VAC14: variants seen among roughly 807,000 people sequenced by gnomAD.
VAC14 encodes the protein VAC14 component of PIKFYVE complex, also known as protein VAC14 homolog.
Under a neutral mutation model 85.3 loss-of-function variants are expected in VAC14, and 47 were observed. That is an observed-to-expected ratio of 0.55 (90% confidence interval 0.44 to 0.70). VAC14 has a LOEUF of 0.70. Ranked by LOEUF, VAC14 falls within the 30% of genes least tolerant of loss-of-function variation. The pLI is 0.00. For missense variants in VAC14, 861 were observed against 1,004.3 expected (o/e 0.86, Z 1.93); for synonymous variants, 447 against 430.5 (o/e 1.04, Z -0.47).
In VAC14 at chr16:70,783,123, C is replaced by G; in HGVS notation, c.721G>C (p.Gly241Arg). 1 of 1,613,980 alleles carries G rather than the reference C, an allele frequency of 6.2e-7. No homozygotes were observed. Among genetic ancestry groups the G allele is most frequent in the Non-Finnish European group, 8.5e-7 (1 of 1,179,998 alleles). Residue 241 changes from glycine to arginine, a missense_variant, in exon 7 of 19, where the codon GGA becomes CGA. Transcript: ENST00000261776. ...EIRKMCEVVL[G>R]EFLKEIKKNP... ...TTCTTAATTTCTTTTAAGAATTCTCCAAGAACAACCTCACACCTATGAACA... is the reference window on the plus strand; with the variant it reads ...TTCTTAATTTCTTTTAAGAATTCTCGAAGAACAACCTCACACCTATGAACA...
Position 70,762,993 on chromosome 16 carries a change from T to G in VAC14, c.1193A>C (p.Asp398Ala), listed in dbSNP as rs746930396. 1 of 1,614,164 alleles carries G rather than the reference T, an allele frequency of 6.2e-7. No individual in the cohort carries two copies. Among genetic ancestry groups the G allele is most frequent in the Non-Finnish European group, 8.5e-7 (1 of 1,180,044 alleles). The change falls in exon 11 of 19, where the codon GAC becomes GCC. Residue 398 changes from aspartate to alanine, a missense_variant. Asp to Ala is a moderately radical substitution (Grantham distance 126). Coordinates refer to ENST00000261776, the MANE Select transcript of VAC14 (RefSeq NM_018052.5). The surrounding 1 kb of genome is among the most constrained non-coding windows in gnomAD (Gnocchi z 4.1). ...TERAPVTLHL[D>A]GIVQVLNCHL... Reference sequence around the variant, plus strand: ...GCAGTTTAGGACCTGCACGATCCCGTCGAGGTGAAGGGTCACTGGGGCTCT... The same window carrying G: ...GCAGTTTAGGACCTGCACGATCCCGGCGAGGTGAAGGGTCACTGGGGCTCT...
In VAC14 at chr16:70,687,945, G is replaced by A. The variant is rs866990780; in HGVS notation, c.2332C>T (p.Arg778Trp). The A allele has an allele frequency of 5.1e-6, 8 of 1,566,796 alleles. No individual in the cohort carries two copies. Among genetic ancestry groups the A allele is most frequent in the South Asian group, 4.7e-5 (4 of 85,512 alleles). The change falls in exon 19 of 19, where the codon CGG becomes TGG. Residue 778 changes from arginine to tryptophan, a missense_variant. This residue lies in a region of VAC14 where 163 missense variants were observed against 162.2 expected (regional missense o/e 1.00). Transcript: ENST00000261776. ...CAGGCCTGTCAGAGGACAACCCTCCGGTCCAGGTGGTCCCCACGCCCGCTC... is the reference window on the plus strand; with the variant it reads ...CAGGCCTGTCAGAGGACAACCCTCCAGTCCAGGTGGTCCCCACGCCCGCTC... ...QRSGRGDHLD[R>W]RVVL
intron 18 of VAC14, chr16:70,691,113 G>T (rs1452275624): frequency 8.1e-6 from 8 of 985,406 alleles, no homozygotes; most frequent in Non-Finnish European, 9.6e-6. Flanking sequence ...ACTGACCGTG[G>T]GAGATTCTGA....
At chr16:70,692,645 A>C (rs2053619827) in intron 18 of VAC14, among the ~76,000 whole-genome samples, 176 bp downstream of exon 18, 1 of 152,030 alleles carries the variant, frequency 6.6e-6, no homozygotes, top group South Asian at 2.1e-4. Context: ...TGATGTGGAC[A>C]CAAGAGGCCA....
At chr16:70,785,552 G>T (rs1321906320) in intron 3 of VAC14, 150 bp downstream of exon 3, 2 of 904,756 alleles carry the variant, frequency 2.2e-6, no homozygotes, top group African/African-American at 1.7e-5. Flanking sequence ...CATTAAAAAT[G>T]ATTAGATTCA....
chr16:70,784,425 G>A (rs965523426), intron 4 of VAC14, among the ~76,000 whole-genome samples: 1 of 152,182 alleles, frequency 6.6e-6, no homozygotes, highest in African/African-American at 2.4e-5. Context: ...AAAGCAGGAA[G>A]CAAAGTCGAG....
At chr16:70,751,426 G>A (rs936606983) in intron 12 of VAC14, among the ~76,000 whole-genome samples, 2 of 152,244 alleles carry the variant, frequency 1.3e-5, no homozygotes, top group African/African-American at 2.4e-5. Context: ...CGGTCAGGTC[G>A]CAGGGCCTTG....
chr16:70,732,321 A>G (rs549351265), intron 13 of VAC14, among the ~76,000 whole-genome samples: 1 of 152,352 alleles, frequency 6.6e-6, no homozygotes, highest in African/African-American at 2.4e-5. Context: ...AGAACTCTGA[A>G]AACTTTCAAA....
chr16:70,691,398 A>C (rs1482619452), intron 18 of VAC14: 2 of 985,198 alleles, frequency 2.0e-6, no homozygotes, highest in African/African-American at 3.5e-5. Context: ...GTTGACCCTA[A>C]CACTATGGGG....
chr16:70,712,928 G>A (rs1417845979), intron 14 of VAC14, among the ~76,000 whole-genome samples: 1 of 152,172 alleles, frequency 6.6e-6, no homozygotes, highest in Non-Finnish European at 1.5e-5. Flanking sequence ...GGGCATGGGT[G>A]CTCCAGCCTG....
chr16:70,708,151 G>A (rs2053958214), intron 14 of VAC14, among the ~76,000 whole-genome samples: 2 of 152,248 alleles, frequency 1.3e-5, no homozygotes, highest in South Asian at 4.2e-4. Flanking sequence ...CCATTCACAG[G>A]TACTCAAGCC....
chr16:70,740,461 C>A (rs573668085), intron 13 of VAC14, among the ~76,000 whole-genome samples: 1 of 152,168 alleles, frequency 6.6e-6, no homozygotes, highest in African/African-American at 2.4e-5. Context: ...GATGTCCAGG[C>A]CCCGGGAGGA....
chr16:70,764,162 G>A (rs1240132231), intron 10 of VAC14, among the ~76,000 whole-genome samples: 2 of 152,192 alleles, frequency 1.3e-5, no homozygotes, highest in Non-Finnish European at 2.9e-5. Flanking sequence ...CATTTGATGT[G>A]AATCCCTAAA....
At chr16:70,763,710 G>A (rs1002020796) in intron 10 of VAC14, among the ~76,000 whole-genome samples, 4 of 152,216 alleles carry the variant, frequency 2.6e-5, no homozygotes, top group Non-Finnish European at 5.9e-5. Context: ...TATGAGAAAC[G>A]GATATTGTTC....
chr16:70,693,251 C>A (rs555421442), intron 17 of VAC14, among the ~76,000 whole-genome samples: 1 of 152,342 alleles, frequency 6.6e-6, no homozygotes, highest in East Asian at 1.9e-4. Flanking sequence ...CCTGTCTGAT[C>A]TTTCCAACAG....
intron 18 of VAC14, chr16:70,691,858 C>CTGT: frequency 1.0e-6 from 1 of 985,414 alleles, no homozygotes. Context: ...CCGGGCAGGC[C>CTGT]TGTCTCAAGG....
rs118120439 is a variant in VAC14 at position 70,751,304 on chromosome 16, C to T, written c.1372-6725G>A. Among the ~76,000 whole-genome samples the T allele has an allele frequency of 7.5e-3, 1,145 of 152,338 alleles. 7 individuals carry two copies. The highest frequency in any genetic ancestry group is 0.012 in the Non-Finnish European group (815 of 68,030). On this transcript the variant is annotated intron_variant, in intron 12 of 18. Coordinates refer to ENST00000261776, the MANE Select transcript of VAC14 (RefSeq NM_018052.5). ...GAAGAAGCTGCAAGAATGTTTCCAA[C>T]GGACACACTTGGTACTGGCGGGGAG...
At chr16:70,723,454 G>C (rs1011946549) in intron 14 of VAC14, among the ~76,000 whole-genome samples, 1 of 152,108 alleles carries the variant, frequency 6.6e-6, no homozygotes. Flanking sequence ...GACTGAGTGA[G>C]ACCCTGTCTC....
chr16:70,716,421 GATGTTCCC>G (rs1400347815), intron 14 of VAC14: 3 of 152,328 alleles, frequency 2.0e-5, no homozygotes, highest in Non-Finnish European at 1.5e-5. Context: ...GCCCCTATAA[GATGTTCCC>G]ATCTCCCTGA....
Sources: gnomAD v4.1 joint callset for allele counts (sites outside exome capture counted in the v4.1 genomes callset) on GRCh38, gnomAD v4.1.1 for gene constraint, gnomAD v4.1.1 regional missense constraint, Gnocchi (gnomAD v3.1) non-coding constraint, MANE v1.5 for transcripts, NCBI Gene and HGNC (gene_info 2026-07-23, HGNC 2026-07-21) for gene names.